Variants in VPS13A observed in about 807,000 individuals in gnomAD.
VPS13A encodes the protein intermembrane lipid transfer protein VPS13A.
VPS13A carries 264 observed loss-of-function variants against 390.9 expected under a neutral mutation model. That is an observed-to-expected ratio of 0.68 (90% CI 0.61 to 0.75). VPS13A has a LOEUF of 0.75. VPS13A is among the 30% of genes least tolerant of loss of function. VPS13A has a pLI of 0.00. For missense variants in VPS13A, 3,409 were observed against 3,733.9 expected, an observed-to-expected ratio of 0.91 and a Z score of 2.27; for synonymous variants, 1,231 against 1,227.1, an observed-to-expected ratio of 1.00 and a Z score of -0.07.
intron 15 of VPS13A, 113 bp downstream of exon 15, chr9:77,226,711 TATAAAGTTATTACAAATAAAA>T: frequency 1.2e-6 from 1 of 866,814 alleles, no homozygotes; most frequent in East Asian, 3.4e-5. Flanking sequence ...TTTAATTATA[TATAAAGTTATTACAAATAAAA>T]CTATTAAAAC....
intron 68 of VPS13A, among the ~76,000 whole-genome samples, chr9:77,395,108 C>G (rs1587714799): frequency 6.6e-6 from 1 of 152,142 alleles, no homozygotes; most frequent in Non-Finnish European, 1.5e-5. Context: ...CTGTTTGGTA[C>G]AAGAGGTACT....
At chr9:77,252,503 T>C (rs1030644272) in intron 22 of VPS13A, 151 bp downstream of exon 22, 2 of 782,816 alleles carry the variant, frequency 2.6e-6, no homozygotes, top group South Asian at 1.4e-5. Flanking sequence ...ATATAAAATT[T>C]ACCATTTTGA....
chr9:77,203,566 A>G (rs1349408561), intron 3 of VPS13A, among the ~76,000 whole-genome samples: 1 of 152,136 alleles, frequency 6.6e-6, no homozygotes, highest in Non-Finnish European at 1.5e-5. Context: ...GGGGTTACAG[A>G]TGTGAGCCAC....
chr9:77,227,328 A>G, intron 15 of VPS13A, 63 bp from the exon 16 acceptor site: 1 of 1,154,440 alleles, frequency 8.7e-7, no homozygotes, highest in Non-Finnish European at 1.3e-6. Context: ...TTAAAGGCAG[A>G]TACATTGTGT....
At chr9:77,230,401 AGTGTGTG>A (rs1823761534) in intron 17 of VPS13A, among the ~76,000 whole-genome samples, 1 of 151,586 alleles carries the variant, frequency 6.6e-6, no homozygotes, top group Admixed American at 6.6e-5. Context: ...AGTTAATGTT[AGTGTGTG>A]GTGTGAGGTG....
At chr9:77,319,445 G>A (rs1829608452) in intron 41 of VPS13A, 127 bp from the exon 42 acceptor site, 10 of 683,218 alleles carry the variant, frequency 1.5e-5, no homozygotes, top group Non-Finnish European at 2.4e-5. Context: ...AATGCTGAGG[G>A]AGTGCTTATA....
intron 22 of VPS13A, among the ~76,000 whole-genome samples, chr9:77,256,209 T>G (rs1367364891): frequency 6.6e-6 from 1 of 152,014 alleles, no homozygotes; most frequent in Non-Finnish European, 1.5e-5. Flanking sequence ...TCATTTGTCT[T>G]GAGTTATTTT....
rs935639669 is a variant in VPS13A at position 77,419,186 on chromosome 9, G to A, written c.*3180G>A. On this transcript the variant is annotated 3_prime_UTR_variant, in exon 72 of 72. Transcript: ENST00000360280. ...TGTCAGGATCAACCCAAATCCTCAG[G>A]GATGCTGTTTTTCCACACTGTAAGT... The A allele has an allele frequency of 6.6e-6, 1 of 152,102 alleles. No individual in the cohort carries two copies. Among genetic ancestry groups the A allele is most frequent in the African/African-American group, 2.4e-5 (1 of 41,428 alleles). 9.4% of individuals were successfully genotyped at this position (152,102 alleles called of 1,614,324 possible).
intron 15 of VPS13A, 142 bp from the exon 16 acceptor site, chr9:77,227,249 C>G (rs1823569886): frequency 1.6e-6 from 1 of 641,426 alleles, no homozygotes; most frequent in African/African-American, 1.8e-5. Context: ...AATTGCCAGC[C>G]CCATTCAAAC....
At chr9:77,249,691 T>C (rs944572095) in intron 20 of VPS13A, among the ~76,000 whole-genome samples, 2 of 152,204 alleles carry the variant, frequency 1.3e-5, no homozygotes, top group African/African-American at 4.8e-5. Flanking sequence ...TCAGCTATCC[T>C]ATTTAATTCT....
intron 71 of VPS13A, among the ~76,000 whole-genome samples, chr9:77,408,501 C>T (rs1039161788): frequency 3.9e-5 from 6 of 152,222 alleles, no homozygotes; most frequent in African/African-American, 1.4e-4. Context: ...GGCATCACCT[C>T]ACCCAGGAAG....
At chr9:77,286,216 C>T (rs1827312360) in intron 31 of VPS13A, among the ~76,000 whole-genome samples, 1 of 152,062 alleles carries the variant, frequency 6.6e-6, no homozygotes, top group Non-Finnish European at 1.5e-5. Context: ...AAGTCTGTGT[C>T]TGGAGAGTGG....
chr9:77,325,986 G>GT (rs1830000521), intron 45 of VPS13A, among the ~76,000 whole-genome samples: 1 of 149,372 alleles, frequency 6.7e-6, no homozygotes, highest in African/African-American at 2.5e-5. Flanking sequence ...AATTCTTTCA[G>GT]TTTTTTCACA....
At chr9:77,212,214 C>CTTT (rs1470780295) in intron 7 of VPS13A, among the ~76,000 whole-genome samples, 1 of 152,262 alleles carries the variant, frequency 6.6e-6, no homozygotes, top group East Asian at 1.9e-4. Flanking sequence ...TATCCTTAAA[C>CTTT]AACTTATAAA....
chr9:77,409,337 C>T (rs1391135629), intron 71 of VPS13A, among the ~76,000 whole-genome samples: 3 of 151,998 alleles, frequency 2.0e-5, no homozygotes, highest in Admixed American at 1.3e-4. Flanking sequence ...GATAAAACCA[C>T]AAAGATGGGG....
At chr9:77,276,304 T>C (rs1826667261) in intron 26 of VPS13A, 83 bp downstream of exon 26, 1 of 1,256,364 alleles carries the variant, frequency 8.0e-7, no homozygotes, top group Non-Finnish European at 1.1e-6. Context: ...CTTTAGGCTC[T>C]GAATCAGTAC....
intron 29 of VPS13A, among the ~76,000 whole-genome samples, chr9:77,282,538 A>AT (rs1564693078): frequency 6.6e-6 from 1 of 152,002 alleles, no homozygotes; most frequent in African/African-American, 2.4e-5. Context: ...AGATTAAAAA[A>AT]TTTTTTTTCT....
chr9:77,250,168 T>C lies in VPS13A; in HGVS notation c.2109T>C (p.Asp703=), dbSNP rs1315223011. 3 of 1,613,746 alleles carry C rather than the reference T, an allele frequency of 1.9e-6. No homozygotes were observed. Among genetic ancestry groups the C allele is most frequent in the Non-Finnish European group, 2.5e-6 (3 of 1,179,906 alleles). ...QGEANLKEIM[D]RAYDSFDIQL... ...AGGCCAATCTTAAAGAGATAATGGATAGAGCTTATGATTCATTTGATATTC... is the reference window on the plus strand; with the variant it reads ...AGGCCAATCTTAAAGAGATAATGGACAGAGCTTATGATTCATTTGATATTC... The change falls in exon 21 of 72, where the codon GAT becomes GAC. Residue 703 remains aspartate, a synonymous_variant. Transcript: ENST00000360280.
chr9:77,214,345 G>T lies in VPS13A; in HGVS notation c.713G>T (p.Gly238Val), dbSNP rs1472911093. 5.0e-6 allele frequency: 8 copies of T among 1,612,790 alleles called. No individual in the cohort carries two copies. The highest frequency in any genetic ancestry group is 6.8e-6 in the Non-Finnish European group (8 of 1,179,062). The change falls in exon 10 of 72, where the codon GGC becomes GTC. Residue 238 changes from glycine (G) to valine (V), a missense_variant. This residue lies in a region of VPS13A where 2,717 missense variants were observed against 2,917.4 expected (regional missense o/e 0.93). Coordinates refer to ENST00000360280, the MANE Select transcript of VPS13A (RefSeq NM_033305.3). ...TTTTAATAGGACGACTTGAAGAATG[G>T]CATTGTCAATGAAAATATTGTTCCA... The part of the protein sequence containing the change: ...YDNSLDDLKN[G>V]IVNENIVPEG...
Sources: allele counts gnomAD v4.1 joint callset (sites outside exome capture counted in the v4.1 genomes callset), GRCh38; gene constraint gnomAD v4.1.1; regional missense constraint gnomAD v4.1.1; transcripts MANE v1.5; gene names NCBI Gene and HGNC (gene_info 2026-07-23, HGNC 2026-07-21).